PTPRD: variants seen among roughly 807,000 people sequenced by gnomAD.
PTPRD encodes receptor-type tyrosine-protein phosphatase delta.
A neutral mutation model predicts 214.5 loss-of-function variants in PTPRD; 34 were observed. The observed-to-expected ratio is 0.16, with a 90% CI of 0.12 to 0.21. PTPRD has a LOEUF of 0.21. Ranked by LOEUF, PTPRD falls within the 10% of genes least tolerant of loss-of-function variation. The pLI, the probability that PTPRD is intolerant of heterozygous loss-of-function variation, is 1.00. For missense variants in PTPRD, 2,545 were observed against 2,398.7 expected, an observed-to-expected ratio of 1.06 and a Z score of -1.27; for synonymous variants, 1,128 against 845.7, an observed-to-expected ratio of 1.33 and a Z score of -5.79.
At chr9:8,921,435 T>C (rs2098827147) in intron 11 of PTPRD, among the ~76,000 whole-genome samples, 1 of 152,086 alleles carries the variant, frequency 6.6e-6, no homozygotes, top group Non-Finnish European at 1.5e-5. Flanking sequence ...TCTGGACTTA[T>C]TAAATCTGAG....
At chr9:8,738,819 T>C (rs1378609275) in intron 11 of PTPRD, among the ~76,000 whole-genome samples, 2 of 152,150 alleles carry the variant, frequency 1.3e-5, no homozygotes, top group African/African-American at 2.4e-5. Context: ...TAGGTATCAT[T>C]GTTTATCTCT....
chr9:9,786,309 G>A (rs990018166), intron 5 of PTPRD, among the ~76,000 whole-genome samples: 2 of 152,122 alleles, frequency 1.3e-5, no homozygotes, highest in Non-Finnish European at 2.9e-5. Flanking sequence ...ACTATTTTGA[G>A]AATTATTGAT....
chr9:9,946,635 C>A (rs2092599266), intron 4 of PTPRD, among the ~76,000 whole-genome samples: 1 of 151,540 alleles, frequency 6.6e-6, no homozygotes. Context: ...CCACTGCTCC[C>A]CCAACCCTCC....
intron 3 of PTPRD, among the ~76,000 whole-genome samples, chr9:10,155,731 T>C (rs1321983699): frequency 6.6e-6 from 1 of 152,206 alleles, no homozygotes; most frequent in East Asian, 1.9e-4. Context: ...GTTATGTTTA[T>C]TTGATAAATC....
At chr9:8,514,644 A>G (rs997495660) in intron 21 of PTPRD, among the ~76,000 whole-genome samples, 11 of 152,138 alleles carry the variant, frequency 7.2e-5, no homozygotes, top group African/African-American at 2.2e-4. Flanking sequence ...ATATATGAAT[A>G]AATGAAACAA....
intron 7 of PTPRD, among the ~76,000 whole-genome samples, chr9:9,677,040 A>T (rs200248745): frequency 7.9e-5 from 12 of 152,032 alleles, no homozygotes; most frequent in Non-Finnish European, 1.2e-4. Flanking sequence ...CTTTGTCAGA[A>T]GAGTAGGTTG....
chr9:9,302,436 A>C (rs544197966), intron 9 of PTPRD, among the ~76,000 whole-genome samples: 5 of 151,836 alleles, frequency 3.3e-5, no homozygotes, highest in Non-Finnish European at 5.9e-5. Flanking sequence ...CACGTGTGAA[A>C]GTGGATGAGA....
At chr9:10,168,398 TA>T (rs2099173000) in intron 3 of PTPRD, among the ~76,000 whole-genome samples, 1 of 152,098 alleles carries the variant, frequency 6.6e-6, no homozygotes, top group South Asian at 2.1e-4. Context: ...TGATCTACAC[TA>T]TTATCTGCAG....
At chr9:9,495,863 G>A (rs2096158690) in intron 8 of PTPRD, among the ~76,000 whole-genome samples, 1 of 152,202 alleles carries the variant, frequency 6.6e-6, no homozygotes, top group Admixed American at 6.5e-5. Context: ...CAACTGAGCT[G>A]CTAAGATGCC....
At chr9:8,417,689 T>C (rs1246115101) in intron 35 of PTPRD, among the ~76,000 whole-genome samples, 2 of 152,106 alleles carry the variant, frequency 1.3e-5, no homozygotes, top group African/African-American at 4.8e-5. Context: ...TTTCAAGTAT[T>C]CTATTAACTA....
chr9:8,426,789 T>A lies in PTPRD; in HGVS notation c.4086+9803A>T, dbSNP rs1362084120. ...CGAAGTTTAATGTTAGTAAAGAAAA[T>A]GTCTGAGGTTTTTTTTTTTTTTTTA... On this transcript the variant is annotated intron_variant, in intron 35 of 45. Transcript: ENST00000381196. Among the ~76,000 whole-genome samples, 6 of 144,302 alleles carry A rather than the reference T, an allele frequency of 4.2e-5. No homozygotes were observed. In the East Asian group the frequency reaches 1.4e-3, roughly 34 times the overall value. The allele number at this position is 144,302 out of a possible 152,430, so 94.7% of individuals were successfully genotyped here.
chr9:9,418,620 G>A (rs914204766), intron 8 of PTPRD, among the ~76,000 whole-genome samples: 1 of 151,986 alleles, frequency 6.6e-6, no homozygotes, highest in Admixed American at 6.6e-5. Flanking sequence ...AAGATGTTGT[G>A]AAGTTTAAAT....
At chr9:8,409,134 A>C (rs1448363596) in intron 35 of PTPRD, among the ~76,000 whole-genome samples, 5 of 152,252 alleles carry the variant, frequency 3.3e-5, no homozygotes, top group African/African-American at 1.2e-4. Flanking sequence ...TACTTAGATA[A>C]CATTTACTAT....
chr9:8,412,666 A>G (rs1183183548), intron 35 of PTPRD, among the ~76,000 whole-genome samples: 1 of 152,220 alleles, frequency 6.6e-6, no homozygotes, highest in Admixed American at 6.5e-5. Flanking sequence ...ATAGAAGACT[A>G]TCTTAGCCTC....
chr9:9,529,489 T>G (rs1157400035), intron 8 of PTPRD, among the ~76,000 whole-genome samples: 1 of 152,094 alleles, frequency 6.6e-6, no homozygotes, highest in African/African-American at 2.4e-5. Context: ...ATTTCACTAA[T>G]GAAGTTATAT....
chr9:8,395,955 A>T (rs570963350), intron 36 of PTPRD, among the ~76,000 whole-genome samples: 6 of 151,984 alleles, frequency 3.9e-5, no homozygotes, highest in Non-Finnish European at 8.8e-5. Context: ...AATACAGTAG[A>T]CCTTAGGCCA....
chr9:9,179,848 C>A (rs2099927127), intron 10 of PTPRD, among the ~76,000 whole-genome samples: 1 of 152,014 alleles, frequency 6.6e-6, no homozygotes, highest in African/African-American at 2.4e-5. Flanking sequence ...TTCTCTAGTT[C>A]TCAGGTCCCT....
intron 2 of PTPRD, among the ~76,000 whole-genome samples, chr9:10,361,506 GC>G (rs1483980181): frequency 1.3e-5 from 2 of 152,072 alleles, no homozygotes; most frequent in East Asian, 3.9e-4. Flanking sequence ...AAAAAAAGGG[GC>G]TGAAAGGCCA....
At chr9:8,817,407 G>A (rs1331809515) in intron 11 of PTPRD, among the ~76,000 whole-genome samples, 1 of 152,082 alleles carries the variant, frequency 6.6e-6, no homozygotes, top group African/African-American at 2.4e-5. Context: ...TAGATGTAGA[G>A]AAAACACACC....
Sources: gnomAD v4.1 joint callset for allele counts (sites outside exome capture counted in the v4.1 genomes callset) on GRCh38, gnomAD v4.1.1 for gene constraint, MANE v1.5 for transcripts, NCBI Gene and HGNC (gene_info 2026-07-23, HGNC 2026-07-21) for gene names.